Variants in CCSER1 observed in about 807,000 individuals in gnomAD.
CCSER1 encodes the protein serine-rich coiled-coil domain-containing protein 1.
CCSER1 carries 41 observed loss-of-function variants against 82.0 expected under a neutral mutation model. That is an observed-to-expected ratio of 0.50 (90% CI 0.39 to 0.65). The LOEUF (loss-of-function observed/expected upper bound fraction) is 0.65, where lower values mean the gene tolerates loss of function less well. Among genes scored for constraint, CCSER1 ranks in the 30% least tolerant of loss-of-function variants. The pLI is 0.00. For synonymous variants in CCSER1, 414 were observed against 383.9 expected, an observed-to-expected ratio of 1.08 and a Z score of -0.92; for missense variants, 1,119 against 1,064.2, an observed-to-expected ratio of 1.05 and a Z score of -0.72.
intron 10 of CCSER1, among the ~76,000 whole-genome samples, chr4:91,556,774 T>G (rs758639222): frequency 3.3e-5 from 5 of 151,056 alleles, no homozygotes; most frequent in Non-Finnish European, 7.4e-5. Flanking sequence ...GCACAAATAA[T>G]TTATATAATT....
intron 1 of CCSER1, among the ~76,000 whole-genome samples, chr4:90,139,103 G>A (rs1411739781): frequency 2.6e-5 from 4 of 152,128 alleles, no homozygotes; most frequent in African/African-American, 9.7e-5. Flanking sequence ...GCTACACAGA[G>A]TGAGTGTGCT....
At chr4:91,503,800 G>T (rs1009266528) in intron 10 of CCSER1, among the ~76,000 whole-genome samples, 1 of 152,096 alleles carries the variant, frequency 6.6e-6, no homozygotes, top group Non-Finnish European at 1.5e-5. Context: ...CACAGAAAAG[G>T]TTGCTATAAC....
At chr4:90,205,517 T>C (rs1208556769) in intron 1 of CCSER1, among the ~76,000 whole-genome samples, 2 of 152,224 alleles carry the variant, frequency 1.3e-5, no homozygotes, top group Non-Finnish European at 2.9e-5. Flanking sequence ...TTGCATATGT[T>C]GAACCAATCT....
At chr4:91,470,717 G>T (rs935859944) in intron 10 of CCSER1, among the ~76,000 whole-genome samples, 1 of 152,058 alleles carries the variant, frequency 6.6e-6, no homozygotes, top group Non-Finnish European at 1.5e-5. Context: ...TAATTAATAA[G>T]CCATATCTGC....
intron 6 of CCSER1, among the ~76,000 whole-genome samples, chr4:90,643,952 C>G (rs1727035048): frequency 6.6e-6 from 1 of 151,620 alleles, no homozygotes; most frequent in African/African-American, 2.4e-5. Context: ...AATTTGTTGC[C>G]CAGGTTGGTT....
intron 10 of CCSER1, among the ~76,000 whole-genome samples, chr4:91,557,731 G>A (rs768143299): frequency 6.6e-6 from 1 of 151,316 alleles, no homozygotes; most frequent in Non-Finnish European, 1.5e-5. Flanking sequence ...AGCCCAGAGT[G>A]AAAGTAATGT....
chr4:91,297,710 T>C (rs1236538829), intron 10 of CCSER1, among the ~76,000 whole-genome samples: 1 of 151,760 alleles, frequency 6.6e-6, no homozygotes, highest in East Asian at 1.9e-4. Flanking sequence ...AAACTTTTGA[T>C]CATGTGGTGA....
intron 10 of CCSER1, among the ~76,000 whole-genome samples, chr4:91,267,898 C>T (rs893472536): frequency 1.3e-5 from 2 of 152,166 alleles, no homozygotes; most frequent in African/African-American, 2.4e-5. Context: ...GGTGATACTG[C>T]ATTTCATATT....
intron 3 of CCSER1, among the ~76,000 whole-genome samples, chr4:90,368,787 A>G (rs1439546355): frequency 6.6e-6 from 1 of 151,628 alleles, no homozygotes; most frequent in Non-Finnish European, 1.5e-5. Flanking sequence ...CACACACACT[A>G]CTAAAAAAAT....
intron 10 of CCSER1, among the ~76,000 whole-genome samples, chr4:91,420,574 C>T (rs1173213755): frequency 6.6e-6 from 1 of 151,994 alleles, no homozygotes; most frequent in Non-Finnish European, 1.5e-5. Context: ...AAGCAGGGAA[C>T]CCTTATATGA....
intron 10 of CCSER1, among the ~76,000 whole-genome samples, chr4:91,507,141 A>G (rs1759539389): frequency 6.6e-6 from 1 of 152,160 alleles, no homozygotes; most frequent in Admixed American, 6.5e-5. Context: ...TGTCTTGGCT[A>G]TATGACAGTA....
At chr4:90,621,126 T>A (rs1162910450) in intron 5 of CCSER1, among the ~76,000 whole-genome samples, 1 of 152,126 alleles carries the variant, frequency 6.6e-6, no homozygotes, top group Non-Finnish European at 1.5e-5. Context: ...GCCACCAGTG[T>A]TTTTTACAGC....
chr4:90,835,450 A>G (rs755269060), intron 8 of CCSER1, among the ~76,000 whole-genome samples: 1 of 151,712 alleles, frequency 6.6e-6, no homozygotes, highest in Non-Finnish European at 1.5e-5. Context: ...CGTATTTGCC[A>G]CTTCATATTT....
chr4:91,161,344 C>T (rs952086026), intron 10 of CCSER1, among the ~76,000 whole-genome samples: 5 of 152,140 alleles, frequency 3.3e-5, no homozygotes, highest in Admixed American at 6.5e-5. Context: ...GGTGATGCTT[C>T]CAGCTTTGTT....
chr4:90,606,762 GTA>G (rs1212140498), intron 5 of CCSER1, among the ~76,000 whole-genome samples: 1 of 152,080 alleles, frequency 6.6e-6, no homozygotes, highest in Admixed American at 6.6e-5. Context: ...ATGATCAGTG[GTA>G]TATATACTGT....
At chr4:91,154,095 C>T (rs1465481854) in intron 10 of CCSER1, among the ~76,000 whole-genome samples, 1 of 151,974 alleles carries the variant, frequency 6.6e-6, no homozygotes, top group Non-Finnish European at 1.5e-5. Context: ...TCAGCTATGC[C>T]CTGCCCCCAG....
intron 9 of CCSER1, among the ~76,000 whole-genome samples, chr4:90,945,471 A>C (rs2150339941): frequency 6.6e-6 from 1 of 152,228 alleles, no homozygotes; most frequent in Admixed American, 6.5e-5. Context: ...TTATTTAATG[A>C]GTTATAAAAT....
chr4:91,332,648 A>G (rs566522848), intron 10 of CCSER1, among the ~76,000 whole-genome samples: 55 of 152,134 alleles, frequency 3.6e-4, no homozygotes, highest in African/African-American at 1.3e-3. Flanking sequence ...TAGGAAATAA[A>G]AGGTAAGAAT....
chr4:90,271,033 A>G (rs1726176188), intron 1 of CCSER1, among the ~76,000 whole-genome samples: 1 of 152,178 alleles, frequency 6.6e-6, no homozygotes, highest in Admixed American at 6.5e-5. Context: ...CATGGATTGG[A>G]AAAATAAATT....
Sources: allele counts gnomAD v4.1 joint callset (sites outside exome capture counted in the v4.1 genomes callset), GRCh38; gene constraint gnomAD v4.1.1; transcripts MANE v1.5; gene names NCBI Gene and HGNC (gene_info 2026-07-23, HGNC 2026-07-21).